The following NEMP2 variants were observed in gnomAD, a reference collection of about 807,000 sequenced individuals.
NEMP2 encodes nuclear envelope integral membrane protein 2, also known as UPF0571 transmembrane protein.
In NEMP2, 53 loss-of-function variants were observed where a neutral mutation model predicts 54.2. The observed-to-expected ratio is 0.98, with a 90% CI of 0.78 to 1.23. NEMP2 has a LOEUF of 1.23. Ranked by LOEUF, NEMP2 falls within the 50% of genes most tolerant of loss-of-function variation. The probability of loss-of-function intolerance (pLI) is 0.00; values close to 1 mark genes in which losing one functional copy is unlikely to be tolerated. For synonymous variants in NEMP2, 197 were observed against 190.3 expected (o/e 1.04, Z -0.29); for missense variants, 455 against 511.3 (o/e 0.89, Z 1.06).
the NEMP2 span, among the ~76,000 whole-genome samples, chr2:190,464,592 C>T: frequency 1.0e-3 from 154 of 152,276 alleles, 2 homozygotes; most frequent in African/African-American, 3.6e-3. Flanking sequence ...CCCTTGTTCG[C>T]TTTGTTTCCT....
At chr2:190,552,124 C>T in the NEMP2 span, among the ~76,000 whole-genome samples, 5 of 152,190 alleles carry the variant, frequency 3.3e-5, no homozygotes, top group African/African-American at 4.8e-5. Flanking sequence ...GCAAGACCTA[C>T]CCACGTGTTT....
chr2:190,498,835 T>C, the NEMP2 span, among the ~76,000 whole-genome samples: 2 of 152,288 alleles, frequency 1.3e-5, no homozygotes, highest in African/African-American at 4.8e-5. The surrounding 1 kb of genome is among the most constrained non-coding windows in gnomAD (Gnocchi z 5.9). Context: ...GCGCTTTTTT[T>C]CTGGTATGTT....
At chr2:190,534,316 C>A (rs889461354) in intron 1 of NEMP2, 17 of 1,186,008 alleles carry the variant, frequency 1.4e-5, no homozygotes, top group Non-Finnish European at 1.8e-5. Context: ...GCGACTGGAT[C>A]GCGCGGTTGC....
the NEMP2 span, among the ~76,000 whole-genome samples, chr2:190,548,854 G>A: frequency 4.6e-5 from 7 of 152,294 alleles, no homozygotes; most frequent in Non-Finnish European, 8.8e-5. Context: ...CTCTCCATGT[G>A]CCTTGTCCCA....
chr2:190,625,879 G>T, the NEMP2 span: 2 of 152,176 alleles, frequency 1.3e-5, no homozygotes, highest in Non-Finnish European at 2.9e-5. Context: ...TAAATTAACA[G>T]ACAGGCAGCT....
chr2:190,626,117 G>T, the NEMP2 span: 1 of 152,132 alleles, frequency 6.6e-6, no homozygotes, highest in Non-Finnish European at 1.5e-5. The surrounding 1 kb of genome is among the most constrained non-coding windows in gnomAD (Gnocchi z 4.5). Context: ...TGCAGAAAGG[G>T]GTGAAAGAGC....
Position 190,507,802 on chromosome 2 carries a change from A to T in NEMP2, c.*1387T>A, listed in dbSNP as rs2125298877. The stretch of plus-strand genomic sequence containing the variant: ...TTTTCATGATTTAGAAAAACTACTT[A>T]ATTTGGCTCAGGAAAGCAGCAGTGC... On this transcript the variant is annotated 3_prime_UTR_variant, in exon 9 of 9. Coordinates refer to ENST00000409150, the MANE Select transcript of NEMP2 (RefSeq NM_001142645.2). This position sits in a 1 kb window ranked among gnomAD's most constrained non-coding sequence, Gnocchi z 4.4. 6.6e-6 allele frequency: 1 copy of T among 152,318 alleles called. No individual in the cohort carries two copies. Among genetic ancestry groups the T allele is most frequent in the East Asian group, 1.9e-4 (1 of 5,190 alleles). 9.4% of individuals were successfully genotyped at this position (152,318 alleles called of 1,614,324 possible). A position where few individuals can be genotyped will look rare whatever the true frequency, so the allele number is the denominator to read the frequency against.
the NEMP2 span, among the ~76,000 whole-genome samples, chr2:190,622,364 T>C: frequency 6.6e-6 from 1 of 151,640 alleles, no homozygotes; most frequent in South Asian, 2.1e-4. Flanking sequence ...GCTATAGTCA[T>C]GCCACAGCAC....
the NEMP2 span, among the ~76,000 whole-genome samples, chr2:190,426,949 G>T: frequency 3.3e-5 from 5 of 152,206 alleles, no homozygotes; most frequent in African/African-American, 1.2e-4. The surrounding 1 kb of genome is among the most constrained non-coding windows in gnomAD (Gnocchi z 4.7). Context: ...TCCTCACTCA[G>T]CCTCTTTGGA....
At chr2:190,632,760 C>A in the NEMP2 span, among the ~76,000 whole-genome samples, 1,403 of 152,264 alleles carry the variant, frequency 9.2e-3, 22 homozygotes, top group African/African-American at 0.031. This position sits in a 1 kb window ranked among gnomAD's most constrained non-coding sequence, Gnocchi z 4.8. Flanking sequence ...ACTGGAATGA[C>A]TTGGCAGGCG....
chr2:190,497,529 T>C, the NEMP2 span: 2 of 1,614,202 alleles, frequency 1.2e-6, no homozygotes, highest in Non-Finnish European at 1.7e-6. The surrounding 1 kb of genome is among the most constrained non-coding windows in gnomAD (Gnocchi z 5.2). Context: ...ACAGAAGATG[T>C]CATGCCACGC....
the NEMP2 span, among the ~76,000 whole-genome samples, chr2:190,597,205 C>T: frequency 6.7e-6 from 1 of 149,430 alleles, no homozygotes; most frequent in South Asian, 2.1e-4. This position sits in a 1 kb window ranked among gnomAD's most constrained non-coding sequence, Gnocchi z 4.7. Context: ...GTTGAGGCTG[C>T]AGTGAGCCAT....
chr2:190,454,590 G>T, the NEMP2 span: 6 of 152,122 alleles, frequency 3.9e-5, no homozygotes, highest in African/African-American at 1.4e-4. The surrounding 1 kb of genome is among the most constrained non-coding windows in gnomAD (Gnocchi z 4.6). Flanking sequence ...ACTGTAAGAA[G>T]GTGGTCATCT....
chr2:190,492,306 A>G, the NEMP2 span, among the ~76,000 whole-genome samples: 1 of 152,220 alleles, frequency 6.6e-6, no homozygotes, highest in Admixed American at 6.5e-5. This position sits in a 1 kb window ranked among gnomAD's most constrained non-coding sequence, Gnocchi z 5.2. Flanking sequence ...ACACCTGGGA[A>G]ATTCATTGCA....
At chr2:190,601,037 A>C in the NEMP2 span, among the ~76,000 whole-genome samples, 1 of 152,132 alleles carries the variant, frequency 6.6e-6, no homozygotes, top group Non-Finnish European at 1.5e-5. This position sits in a 1 kb window ranked among gnomAD's most constrained non-coding sequence, Gnocchi z 5.8. Flanking sequence ...ATTCATGTTG[A>C]AGTCCTAACC....
chr2:190,482,077 G>A, the NEMP2 span, among the ~76,000 whole-genome samples: 2 of 152,194 alleles, frequency 1.3e-5, no homozygotes, highest in African/African-American at 2.4e-5. Flanking sequence ...AGGATAGCAC[G>A]TGGGAAATTG....
the NEMP2 span, among the ~76,000 whole-genome samples, chr2:190,576,726 T>C: frequency 6.6e-6 from 1 of 152,072 alleles, no homozygotes; most frequent in South Asian, 2.1e-4. Context: ...TGTTAGTCTC[T>C]GGTAAAACCC....
the NEMP2 span, among the ~76,000 whole-genome samples, chr2:190,439,927 A>G: frequency 6.6e-6 from 1 of 152,252 alleles, no homozygotes; most frequent in Non-Finnish European, 1.5e-5. This position sits in a 1 kb window ranked among gnomAD's most constrained non-coding sequence, Gnocchi z 5.8. Context: ...GAGCTCAGTC[A>G]GGTGGTATTG....
the NEMP2 span, among the ~76,000 whole-genome samples, chr2:190,575,463 A>G: frequency 6.6e-6 from 1 of 152,322 alleles, no homozygotes; most frequent in East Asian, 1.9e-4. Context: ...TTTTAAAAAA[A>G]TCTTTTCCTC....
Sources: allele counts gnomAD v4.1 joint callset (sites outside exome capture counted in the v4.1 genomes callset), GRCh38; gene constraint gnomAD v4.1.1; non-coding constraint Gnocchi (gnomAD v3.1); transcripts MANE v1.5; gene names NCBI Gene and HGNC (gene_info 2026-07-23, HGNC 2026-07-21).